Variants in SGK3 observed in about 807,000 individuals in gnomAD.
SGK3 encodes serine/threonine-protein kinase Sgk3.
A neutral mutation model predicts 68.5 loss-of-function variants in SGK3; 47 were observed. The observed-to-expected ratio is 0.69, with a 90% CI of 0.54 to 0.87. The LOEUF (loss-of-function observed/expected upper bound fraction) is 0.87. SGK3 is among the 40% of genes least tolerant of loss of function. The pLI is 0.00. For missense variants in SGK3, 479 were observed against 575.5 expected, an observed-to-expected ratio of 0.83 and a Z score of 1.72; for synonymous variants, 181 against 189.1, an observed-to-expected ratio of 0.96 and a Z score of 0.35.
intron 1 of SGK3, among the ~76,000 whole-genome samples, chr8:66,787,060 C>T (rs1376975373): frequency 2.0e-5 from 3 of 150,056 alleles, no homozygotes; most frequent in Non-Finnish European, 4.4e-5. Flanking sequence ...TCTCCTCCCT[C>T]AGCCCTCCGA....
At position 66,859,820 on chromosome 8, in the gene SGK3, T is replaced by A; in HGVS notation, c.*239T>A. 2.5e-6 allele frequency: 1 copy of A among 404,966 alleles called. No individual in the cohort carries two copies. Among genetic ancestry groups the A allele is most frequent in the East Asian group, 4.6e-5 (1 of 21,516 alleles). The allele number at this position is 404,966 out of a possible 1,614,324, so 25.1% of individuals were successfully genotyped here. A position where few individuals can be genotyped will look rare whatever the true frequency, so the allele number is the denominator to read the frequency against. Reference sequence around the variant, plus strand: ...GCTTATTTTTAAACAATTTAAAAGCTATTATTCTTAGCATTAACCTATTTT... The same window carrying A: ...GCTTATTTTTAAACAATTTAAAAGCAATTATTCTTAGCATTAACCTATTTT... On this transcript the variant is annotated 3_prime_UTR_variant, in exon 17 of 17. Transcript: ENST00000521198.
chr8:66,827,378 C>T (rs1175068332), intron 6 of SGK3, among the ~76,000 whole-genome samples: 5 of 125,310 alleles, frequency 4.0e-5, no homozygotes, highest in African/African-American at 9.3e-5. Context: ...AAGAGTGAAA[C>T]TCTATCTCAA....
At chr8:66,843,678 A>G (rs1225479385) in intron 14 of SGK3, 131 bp downstream of exon 14, 4 of 885,028 alleles carry the variant, frequency 4.5e-6, no homozygotes, top group Non-Finnish European at 6.6e-6. Context: ...GGTTAAATGA[A>G]CCCAAACCCA....
At chr8:66,830,768 A>G (rs935052411) in intron 7 of SGK3, among the ~76,000 whole-genome samples, 1 of 152,224 alleles carries the variant, frequency 6.6e-6, no homozygotes, top group Non-Finnish European at 1.5e-5. Context: ...TTTTTTCTCC[A>G]TCAGAAATTA....
At chr8:66,829,815 A>G (rs1351393684) in intron 7 of SGK3, among the ~76,000 whole-genome samples, 1 of 151,930 alleles carries the variant, frequency 6.6e-6, no homozygotes, top group Non-Finnish European at 1.5e-5. Context: ...GGTTTTAAGC[A>G]TTCTTTTCTG....
chr8:66,810,075 G>A (rs1459327887), intron 4 of SGK3, among the ~76,000 whole-genome samples: 4 of 152,216 alleles, frequency 2.6e-5, no homozygotes, highest in South Asian at 2.1e-4. Context: ...TCCAACCCCC[G>A]TTCAAGAGAG....
At chr8:66,744,009 G>A (rs1805556421) in intron 1 of SGK3, among the ~76,000 whole-genome samples, 1 of 152,128 alleles carries the variant, frequency 6.6e-6, no homozygotes, top group Non-Finnish European at 1.5e-5. Context: ...AATGCTCTTT[G>A]CCTCTTACCT....
chr8:66,851,143 T>C (rs1282942498), intron 16 of SGK3, among the ~76,000 whole-genome samples: 2 of 152,154 alleles, frequency 1.3e-5, no homozygotes, highest in African/African-American at 4.8e-5. Context: ...AGCACAGTAA[T>C]TGTAAAGTGT....
chr8:66,857,665 C>T (rs1453723756), intron 16 of SGK3, among the ~76,000 whole-genome samples: 1 of 152,052 alleles, frequency 6.6e-6, no homozygotes, highest in African/African-American at 2.4e-5. Context: ...CCTGTGGTCC[C>T]AGCTACTTGG....
chr8:66,740,906 CAAAAAAAAAAAAAAA>C (rs899256897), intron 1 of SGK3, among the ~76,000 whole-genome samples: 1 of 42,716 alleles, frequency 2.3e-5, no homozygotes, highest in African/African-American at 8.8e-5. Flanking sequence ...GACTCTGTCT[CAAAAAAAAAAAAAAA>C]AAAAAAAAAA....
At chr8:66,746,693 A>G (rs1250201985) in intron 1 of SGK3, among the ~76,000 whole-genome samples, 3 of 152,008 alleles carry the variant, frequency 2.0e-5, no homozygotes, top group Admixed American at 6.6e-5. Context: ...GACTGGGACT[A>G]TAGGCACACG....
intron 1 of SGK3, among the ~76,000 whole-genome samples, chr8:66,789,406 T>A (rs1025450366): frequency 6.6e-6 from 1 of 152,254 alleles, no homozygotes; most frequent in Non-Finnish European, 1.5e-5. Flanking sequence ...GTCTTCTTCA[T>A]GGCCTTTTCT....
rs1319862867 is a variant in SGK3, at chr8:66,725,451, T to C, written c.-122+12618T>C. On this transcript the variant is annotated intron_variant, in intron 1 of 16. Coordinates refer to ENST00000521198, the MANE Select transcript of SGK3 (RefSeq NM_001033578.3). ...TCTCTTTGGGGTAGGGGATGAGAAC[T>C]GGGTGGATAGGGATGGGTGGGAAGC... 6.0e-5 allele frequency among the ~76,000 whole-genome samples: 9 copies of C among 150,404 alleles called. No homozygotes were observed. The South Asian group carries it at 6.3e-4, about 11-fold the overall frequency.
intron 5 of SGK3, among the ~76,000 whole-genome samples, chr8:66,820,307 A>G (rs1272211055): frequency 6.6e-6 from 1 of 152,162 alleles, no homozygotes; most frequent in Non-Finnish European, 1.5e-5. Context: ...ATTATATACT[A>G]GGTGACTTTT....
At chr8:66,828,368 C>G (rs1809153783) in intron 6 of SGK3, among the ~76,000 whole-genome samples, 1 of 152,178 alleles carries the variant, frequency 6.6e-6, no homozygotes, top group Admixed American at 6.5e-5. Flanking sequence ...CTCAAAGGAG[C>G]TTTCCTCAGT....
intron 16 of SGK3, among the ~76,000 whole-genome samples, chr8:66,853,887 A>C (rs1408648581): frequency 1.3e-5 from 2 of 152,166 alleles, no homozygotes; most frequent in Non-Finnish European, 2.9e-5. Context: ...TTTGCTATAA[A>C]ACTTATCAAC....
intron 1 of SGK3, chr8:66,768,038 G>T (rs1256519725): frequency 1.5e-6 from 1 of 655,526 alleles, no homozygotes; most frequent in Non-Finnish European, 2.8e-6. Flanking sequence ...CCAGATTTAA[G>T]TATATATCTT....
rs200165027 is a variant in SGK3 at position 66,841,083 on chromosome 8, C to T, written c.951C>T (p.Thr317=). The T allele has an allele frequency of 2.8e-5, 45 of 1,594,508 alleles. No individual in the cohort carries two copies. The highest frequency in any genetic ancestry group is 3.7e-5 in the Non-Finnish European group (43 of 1,170,754). ...AAGAAGGAATTGCTATTTCTGACAC[C>T]ACTACCACATTTTGTGGGACACCAG... is the stretch of plus-strand genomic sequence containing the variant. ...LCKEGIAISD[T]TTTFCGTPEY... The change falls in exon 13 of 17, where the codon ACC becomes ACT. Residue 317 remains threonine (T), a synonymous_variant. Coordinates refer to ENST00000521198, the MANE Select transcript of SGK3 (RefSeq NM_001033578.3).
At chr8:66,767,056 G>A (rs1220958916) in intron 1 of SGK3, among the ~76,000 whole-genome samples, 3 of 152,142 alleles carry the variant, frequency 2.0e-5, no homozygotes, top group African/African-American at 7.2e-5. Flanking sequence ...TGTTGGTCAG[G>A]CTGGTCTCAA....
Sources: allele counts gnomAD v4.1 joint callset (sites outside exome capture counted in the v4.1 genomes callset), GRCh38; gene constraint gnomAD v4.1.1; transcripts MANE v1.5; gene names NCBI Gene and HGNC (gene_info 2026-07-23, HGNC 2026-07-21).